RFTN2: variants seen among roughly 807,000 people sequenced by gnomAD.
RFTN2 encodes raftlin-2.
RFTN2 carries 34 observed loss-of-function variants against 52.7 expected under a neutral mutation model. That is an observed-to-expected ratio of 0.64 (90% CI 0.49 to 0.86). The LOEUF (loss-of-function observed/expected upper bound fraction) is 0.86, where lower values mean the gene tolerates loss of function less well. Among genes scored for constraint, RFTN2 ranks in the 40% least tolerant of loss-of-function variants. RFTN2 has a pLI of 0.00. For missense variants in RFTN2, 536 were observed against 600.1 expected, an observed-to-expected ratio of 0.89 and a Z score of 1.12; for synonymous variants, 203 against 217.7, an observed-to-expected ratio of 0.93 and a Z score of 0.59.
intron 8 of RFTN2, among the ~76,000 whole-genome samples, chr2:197,593,592 A>T (rs959047061): frequency 6.6e-6 from 1 of 152,050 alleles, no homozygotes; most frequent in Non-Finnish European, 1.5e-5. Context: ...GTAGAATGTT[A>T]AAAAGAAAGA....
At chr2:197,631,273 G>T in intron 4 of RFTN2, 53 bp from the exon 5 acceptor site, 1 of 1,341,954 alleles carries the variant, frequency 7.5e-7, no homozygotes. Context: ...GTTGATCAAA[G>T]ATTCTTAATT....
chr2:197,603,383 GC>G (rs1267147098), intron 7 of RFTN2, among the ~76,000 whole-genome samples: 1 of 152,128 alleles, frequency 6.6e-6, no homozygotes, highest in Non-Finnish European at 1.5e-5. Flanking sequence ...AAAAAGACAA[GC>G]CACAGAATTA....
rs774980009 is a variant in RFTN2 at position 197,633,855 on chromosome 2, C to A, written c.581G>T (p.Cys194Phe). ...TAACGTCCCTTCATTCCAACTTCTA[C>A]AGTTTTCATCTGAACCGTGTCTCAC... ...LHVRHGSDEN[C>F]RSWNEGTLSG... The change falls in exon 4 of 9, where the codon TGT (cysteine) becomes TTT (phenylalanine). Residue 194 changes from cysteine to phenylalanine, a missense_variant. Transcript: ENST00000295049. The A allele has an allele frequency of 1.2e-6, 2 of 1,613,830 alleles. No homozygotes were observed. The highest frequency in any genetic ancestry group is 4.5e-5 in the East Asian group (2 of 44,884).
chr2:197,592,045 A>G (rs530444939), intron 8 of RFTN2, among the ~76,000 whole-genome samples: 1 of 152,238 alleles, frequency 6.6e-6, no homozygotes, highest in East Asian at 1.9e-4. Flanking sequence ...AAGTGTGGCC[A>G]GAGTGGGCGC....
intron 8 of RFTN2, among the ~76,000 whole-genome samples, chr2:197,594,706 G>C (rs941028273): frequency 6.6e-6 from 1 of 152,150 alleles, no homozygotes; most frequent in Non-Finnish European, 1.5e-5. Context: ...GTGCTCACTT[G>C]TGGGCTTTAA....
chr2:197,606,127 C>T (rs1041311601), intron 7 of RFTN2, among the ~76,000 whole-genome samples: 1 of 152,168 alleles, frequency 6.6e-6, no homozygotes, highest in Non-Finnish European at 1.5e-5. Flanking sequence ...ATAGCTGAGA[C>T]TTTTTTCACC....
intron 1 of RFTN2, among the ~76,000 whole-genome samples, chr2:197,654,508 A>G (rs1223951950): frequency 6.6e-6 from 1 of 152,206 alleles, no homozygotes; most frequent in East Asian, 1.9e-4. Context: ...GGAAAAGGGC[A>G]TACTCTTCTG....
chr2:197,601,270 G>A (rs1268296659), intron 7 of RFTN2, among the ~76,000 whole-genome samples: 1 of 152,208 alleles, frequency 6.6e-6, no homozygotes, highest in African/African-American at 2.4e-5. Flanking sequence ...TGTCATTTGA[G>A]GGAGAGGGAT....
At chr2:197,626,897 C>T (rs540951818) in intron 5 of RFTN2, among the ~76,000 whole-genome samples, 256 of 152,212 alleles carry the variant, frequency 1.7e-3, no homozygotes, top group Admixed American at 4.3e-3. Context: ...GGATTACAGG[C>T]GTGAGCCACC....
intron 1 of RFTN2, among the ~76,000 whole-genome samples, chr2:197,674,347 A>AAAAAAAAAAC (rs2089187333): frequency 6.7e-6 from 1 of 149,298 alleles, no homozygotes; most frequent in Non-Finnish European, 1.5e-5. Flanking sequence ...AGCAAAAAAA[A>AAAAAAAAAAC]AAAAAAAAAA....
At position 197,615,879 on chromosome 2, in the gene RFTN2, T is replaced by C; in HGVS notation, c.1151A>G (p.Asp384Gly). 1 of 1,533,340 alleles carries C rather than the reference T, an allele frequency of 6.5e-7. No individual in the cohort carries two copies. Among genetic ancestry groups the C allele is most frequent in the Non-Finnish European group, 8.9e-7 (1 of 1,129,532 alleles). 95.0% of individuals were successfully genotyped at this position (1,533,340 alleles called of 1,614,324 possible). ...TGTAAGGATACTTTTGCCTTACCTG[T>C]CATGTCTCAATACAGGTGTGGGCAA... ...SVLPTPVLRH[D>G]SEGNLATKQI... is the part of the protein sequence containing the mutation. Residue 384 changes from aspartate to glycine, a missense_variant, in exon 7 of 9, where the codon GAC (aspartate) becomes GGC (glycine). By Grantham distance (94) the Asp-to-Gly change is moderately conservative (BLOSUM62 -1). Transcript: ENST00000295049.
At chr2:197,587,379 G>C (rs2087618278) in intron 8 of RFTN2, among the ~76,000 whole-genome samples, 1 of 152,044 alleles carries the variant, frequency 6.6e-6, no homozygotes, top group African/African-American at 2.4e-5. Flanking sequence ...CTGAGCCCAA[G>C]CCTGCAGGTA....
chr2:197,575,880 T>A (rs1025132557), intron 8 of RFTN2, among the ~76,000 whole-genome samples: 12 of 133,680 alleles, frequency 9.0e-5, no homozygotes, highest in East Asian at 8.1e-4. Flanking sequence ...TATTATATAT[T>A]ATATATAATA....
At chr2:197,624,597 C>CAAAAAAAA (rs746144794) in intron 5 of RFTN2, among the ~76,000 whole-genome samples, 1 of 57,914 alleles carries the variant, frequency 1.7e-5, no homozygotes, top group Non-Finnish European at 3.0e-5. Context: ...GACTCTGTCT[C>CAAAAAAAA]AAAAAAAAAA....
chr2:197,578,329 C>T (rs1481466461), intron 8 of RFTN2, among the ~76,000 whole-genome samples: 1 of 151,956 alleles, frequency 6.6e-6, no homozygotes, highest in East Asian at 1.9e-4. Context: ...TAAAAGATGG[C>T]AAAAATACTT....
At chr2:197,621,536 AC>A (rs1196606425) in intron 5 of RFTN2, among the ~76,000 whole-genome samples, 1 of 150,692 alleles carries the variant, frequency 6.6e-6, no homozygotes, top group Non-Finnish European at 1.5e-5. Flanking sequence ...CAATATTTCA[AC>A]CTTTTTCATT....
chr2:197,649,688 G>A (rs1306807018), intron 1 of RFTN2, among the ~76,000 whole-genome samples: 5 of 152,040 alleles, frequency 3.3e-5, no homozygotes, highest in Non-Finnish European at 1.5e-5. Flanking sequence ...AGAACTCAGG[G>A]TTGAGAAAAG....
chr2:197,572,214 C>G lies in RFTN2; in HGVS notation c.1300G>C (p.Asp434His), dbSNP rs2087330376. ...NKATSRSIGLDTTSSQPAESR... is the reference protein window; with the variant it reads ...NKATSRSIGLHTTSSQPAESR... ...TCTGCAGGTTGTGACGAGGTTGTGT[C>G]TAATCCGATGCTTCTACTAGTGGCT... Residue 434 changes from aspartate to histidine, a missense_variant, in exon 9 of 9, where the codon GAC becomes CAC. Asp to His is a moderately conservative substitution (Grantham distance 81). Coordinates refer to ENST00000295049, the MANE Select transcript of RFTN2 (RefSeq NM_144629.3). 3 of 1,614,260 alleles carry G rather than the reference C, an allele frequency of 1.9e-6. No homozygotes were observed. Among genetic ancestry groups the G allele is most frequent in the Non-Finnish European group, 2.5e-6 (3 of 1,180,044 alleles).
Position 197,569,293 on chromosome 2 carries a change from T to A in RFTN2, c.*2715A>T, listed in dbSNP as rs1308839316. 1 of 152,204 alleles carries A rather than the reference T, an allele frequency of 6.6e-6. No homozygotes were observed. The highest frequency in any genetic ancestry group is 1.5e-5 in the Non-Finnish European group (1 of 68,024). The allele number at this position is 152,204 out of a possible 1,614,324, so 9.4% of individuals were successfully genotyped here. Reference sequence around the variant, plus strand: ...AGCCCCTAAGGAAATCATAGTGTTATAAAAAGAACTGAATATACAACTGGC... The same window carrying A: ...AGCCCCTAAGGAAATCATAGTGTTAAAAAAAGAACTGAATATACAACTGGC... On this transcript the variant is annotated 3_prime_UTR_variant, in exon 9 of 9. Transcript: ENST00000295049.
Sources: gnomAD v4.1 joint callset for allele counts (sites outside exome capture counted in the v4.1 genomes callset) on GRCh38, gnomAD v4.1.1 for gene constraint, MANE v1.5 for transcripts, NCBI Gene and HGNC (gene_info 2026-07-23, HGNC 2026-07-21) for gene names.